Variants in FNDC7 observed in about 807,000 individuals in gnomAD.
The protein encoded by FNDC7 is fibronectin type III domain containing 7.
A neutral mutation model predicts 74.2 loss-of-function variants in FNDC7; 66 were observed. The ratio of observed to expected loss-of-function variants is 0.89; its 90% confidence interval spans 0.73 to 1.09. The LOEUF is 1.09. FNDC7 is among the 50% of genes least tolerant of loss of function. The pLI is 0.00. For missense variants in FNDC7, 829 were observed against 893.4 expected, an observed-to-expected ratio of 0.93 and a Z score of 0.92; for synonymous variants, 307 against 330.2, an observed-to-expected ratio of 0.93 and a Z score of 0.76.
intron 4 of FNDC7, 117 bp from the exon 5 acceptor site, chr1:108,722,218 C>A: frequency 9.4e-7 from 1 of 1,063,490 alleles, no homozygotes; most frequent in South Asian, 1.9e-5. Flanking sequence ...GCTTTGAACA[C>A]TTGTAATTAT....
chr1:108,722,287 T>C (rs1267821465), intron 4 of FNDC7, 48 bp from the exon 5 acceptor site: 2 of 1,486,352 alleles, frequency 1.3e-6, no homozygotes, highest in Non-Finnish European at 1.8e-6. Flanking sequence ...AACTCTTACG[T>C]AGTTTGTAAG....
At chr1:108,719,199 C>T (rs1012429167) in intron 4 of FNDC7, 150 bp downstream of exon 4, 8 of 868,532 alleles carry the variant, frequency 9.2e-6, no homozygotes, top group Non-Finnish European at 1.4e-5. Flanking sequence ...TTTATAGTGC[C>T]TTGTCTATTC....
At chr1:108,731,329 G>A (rs1265129097) in intron 9 of FNDC7, among the ~76,000 whole-genome samples, 2 of 152,124 alleles carry the variant, frequency 1.3e-5, no homozygotes, top group East Asian at 1.9e-4. Context: ...TTCTTCAGCT[G>A]CTTCAATGGT....
chr1:108,719,698 A>T (rs1270929752), intron 4 of FNDC7, among the ~76,000 whole-genome samples: 3 of 151,948 alleles, frequency 2.0e-5, no homozygotes, highest in African/African-American at 7.3e-5. Context: ...ACTCTGCAGC[A>T]TTACAACTGG....
At chr1:108,715,662 T>TGCGC in intron 2 of FNDC7, among the ~76,000 whole-genome samples, 1 of 147,324 alleles carries the variant, frequency 6.8e-6, no homozygotes, top group African/African-American at 2.4e-5. Context: ...TGCGCGTGCG[T>TGCGC]GCGCGCGCGC....
Position 108,733,649 on chromosome 1 carries a change from C to CATT in FNDC7, c.2140+117_2140+118insATT, listed in dbSNP as rs1160919720. 47 of 614,260 alleles carry CATT rather than the reference C, an allele frequency of 7.7e-5. 1 individual carries two copies. Among genetic ancestry groups the CATT allele is most frequent in the Non-Finnish European group, 9.7e-5 (40 of 412,100 alleles). The allele number at this position is 614,260 out of a possible 1,614,324, so 38.1% of individuals were successfully genotyped here. On this transcript the variant is annotated intron_variant, in intron 10 of 12. Coordinates refer to ENST00000370017, the MANE Select transcript of FNDC7 (RefSeq NM_001144937.3). ...GGCACAGAGGGTATAAAATTTCTTT[C>CATT]TTTTTTTTTTTTTTTTTTTTTGAGA...
Position 108,737,492 on chromosome 1 carries a change from C to T in FNDC7, c.2141-3C>T, listed in dbSNP as rs748302513. 4 of 1,584,346 alleles carry T rather than the reference C, an allele frequency of 2.5e-6. No individual in the cohort carries two copies. The highest frequency in any genetic ancestry group is 4.5e-5 in the East Asian group (2 of 43,980). On this transcript the variant is annotated splice_region_variant and splice_polypyrimidine_tract_variant and intron_variant, in intron 10 of 12. Transcript: ENST00000370017. ...ATTTTAAATGCTTGTGTTTTTATTA[C>T]AGTAACTTGCTCTGGAAGTACACTT...
chr1:108,732,429 C>T (rs1661408980), intron 9 of FNDC7, among the ~76,000 whole-genome samples: 1 of 151,734 alleles, frequency 6.6e-6, no homozygotes, highest in South Asian at 2.1e-4. Flanking sequence ...GTATAAATGG[C>T]TGCACCTAAA....
chr1:108,741,657 G>C, intron 11 of FNDC7, 116 bp from the exon 12 acceptor site: 1 of 1,079,490 alleles, frequency 9.3e-7, no homozygotes, highest in South Asian at 1.3e-5. Flanking sequence ...GTGAAGTGCT[G>C]CAAAAATAGC....
chr1:108,732,162 A>G (rs905756740), intron 9 of FNDC7, among the ~76,000 whole-genome samples: 6 of 152,098 alleles, frequency 3.9e-5, no homozygotes, highest in African/African-American at 1.4e-4. Flanking sequence ...GATCAAGACC[A>G]TCCTGGATAA....
intron 5 of FNDC7, among the ~76,000 whole-genome samples, chr1:108,723,121 GGAAACTAACACTTAAT>G (rs1557788641): frequency 6.6e-6 from 1 of 152,028 alleles, no homozygotes; most frequent in African/African-American, 2.4e-5. Flanking sequence ...TCTTGGGGAT[GGAAACTAACACTTAAT>G]GAAACTAACA....
chr1:108,741,962 T>A lies in FNDC7; in HGVS notation c.*75T>A, dbSNP rs1661659823. 2 of 738,740 alleles carry A rather than the reference T, an allele frequency of 2.7e-6. No individual in the cohort carries two copies. The highest frequency in any genetic ancestry group is 2.2e-6 in the Non-Finnish European group (1 of 446,548). The allele number at this position is 738,740 out of a possible 1,614,324, so 45.8% of individuals were successfully genotyped here. A position where few individuals can be genotyped will look rare whatever the true frequency, so the allele number is the denominator to read the frequency against. Reference sequence around the variant, plus strand: ...TGTTAGTGATTAGAGATGGAAAAGATCTACTAGAATGTAGAATAAAAATGC... The same window carrying A: ...TGTTAGTGATTAGAGATGGAAAAGAACTACTAGAATGTAGAATAAAAATGC... On this transcript the variant is annotated 3_prime_UTR_variant, in exon 13 of 13. Transcript: ENST00000370017.
chr1:108,730,343 G>A (rs1661314159), intron 8 of FNDC7, among the ~76,000 whole-genome samples: 2 of 145,342 alleles, frequency 1.4e-5, no homozygotes. Context: ...GCAACAGAGC[G>A]AGACTCCATC....
At chr1:108,716,819 G>C (rs1467770727) in intron 2 of FNDC7, among the ~76,000 whole-genome samples, 1 of 151,962 alleles carries the variant, frequency 6.6e-6, no homozygotes, top group African/African-American at 2.4e-5. Flanking sequence ...GACATATAGT[G>C]ATTTTACCCA....
chr1:108,716,359 GT>G (rs1660976517), intron 2 of FNDC7, among the ~76,000 whole-genome samples: 2 of 151,014 alleles, frequency 1.3e-5, no homozygotes, highest in African/African-American at 4.9e-5. Flanking sequence ...GTGTGTGTGT[GT>G]GTGTGTGTGT....
chr1:108,719,745 TGAGAGAGAGA>T (rs67387432), intron 4 of FNDC7, among the ~76,000 whole-genome samples: 162 of 148,256 alleles, frequency 1.1e-3, no homozygotes, highest in African/African-American at 3.1e-3. Context: ...GCCAAGCGAA[TGAGAGAGAGA>T]GAGAGAGAGA....
intron 2 of FNDC7, 107 bp from the exon 3 acceptor site, chr1:108,717,670 C>T (rs1215772231): frequency 8.3e-7 from 1 of 1,207,006 alleles, no homozygotes; most frequent in Non-Finnish European, 1.2e-6. Context: ...GGCAAAACTT[C>T]TGTCTGAAGG....
At chr1:108,722,054 G>T (rs1270571618) in intron 4 of FNDC7, among the ~76,000 whole-genome samples, 1 of 151,876 alleles carries the variant, frequency 6.6e-6, no homozygotes, top group Non-Finnish European at 1.5e-5. Context: ...TAGGTGTTAG[G>T]CATGGATCTT....
At chr1:108,713,675 T>C (rs1233119271) in intron 2 of FNDC7, 146 bp downstream of exon 2, 1 of 659,030 alleles carries the variant, frequency 1.5e-6, no homozygotes, top group East Asian at 2.7e-5. Context: ...TGCTAAGCAC[T>C]CTATTGGGTC....
Sources: gnomAD v4.1 joint callset for allele counts (sites outside exome capture counted in the v4.1 genomes callset) on GRCh38, gnomAD v4.1.1 for gene constraint, MANE v1.5 for transcripts, NCBI Gene and HGNC (gene_info 2026-07-23, HGNC 2026-07-21) for gene names.